Variants in ZNF609 observed in about 807,000 individuals in gnomAD.
ZNF609 encodes the protein zinc finger protein 609.
A neutral mutation model predicts 109.5 loss-of-function variants in ZNF609; 11 were observed. The observed-to-expected ratio is 0.10, with a 90% CI of 0.06 to 0.17. The LOEUF (loss-of-function observed/expected upper bound fraction) is 0.17. ZNF609 is among the 10% of genes least tolerant of loss of function. The pLI, the probability that ZNF609 is intolerant of heterozygous loss-of-function variation, is 1.00. For synonymous variants in ZNF609, 646 were observed against 662.0 expected (o/e 0.98, Z 0.37); for missense variants, 1,559 against 1,772.4 (o/e 0.88, Z 2.16).
In ZNF609 at chr15:64,675,600, C is replaced by G. The variant is rs1420779258; in HGVS notation, c.2746C>G (p.Gln916Glu). Residue 916 changes from glutamine (Q) to glutamate (E), a missense_variant, in exon 5 of 10, where the codon CAG becomes GAG. Transcript: ENST00000326648. ...SSPGALNPSS[Q>E]AGVESQALKT... is the part of the protein sequence containing the mutation. ...CCCTGGGGCTCTGAACCCCAGCAGC[C>G]AGGCAGGAGTGGAGAGCCAGGCCCT... The G allele has an allele frequency of 6.2e-7, 1 of 1,614,080 alleles. No individual in the cohort carries two copies. Among genetic ancestry groups the G allele is most frequent in the Admixed American group, 1.7e-5 (1 of 60,022 alleles).
chr15:64,493,477 G>C (rs919489903), intron 1 of ZNF609, among the ~76,000 whole-genome samples: 1 of 152,140 alleles, frequency 6.6e-6, no homozygotes, highest in African/African-American at 2.4e-5. Context: ...TTTTAAGCAG[G>C]AGTGCTTTGG....
At chr15:64,501,840 G>A (rs1566999263) in intron 2 of ZNF609, 1 of 152,174 alleles carries the variant, frequency 6.6e-6, no homozygotes, top group Non-Finnish European at 1.5e-5. Flanking sequence ...ATATTGCTTA[G>A]CTTTATGTTG....
Position 64,550,324 on chromosome 15 carries a change from ATTGTTG to A in ZNF609, c.747+50179_747+50184del, listed in dbSNP as rs35706760. Among the ~76,000 whole-genome samples the A allele has an allele frequency of 1.6e-4, 24 of 150,960 alleles. No homozygotes were observed. The South Asian group carries it at 2.1e-3, about 13-fold the overall frequency. On this transcript the variant is annotated intron_variant, in intron 2 of 9. Transcript: ENST00000326648. ...GTTTGAATTGGGGTTTGTTGTTGTT[ATTGTTG>A]TTGTTGTTGTTGTTGTTGTTAAATT... is the stretch of plus-strand genomic sequence containing the variant.
chr15:64,680,571 G>A, intron 7 of ZNF609, 75 bp from the exon 8 acceptor site: 1 of 1,312,476 alleles, frequency 7.6e-7, no homozygotes, highest in Non-Finnish European at 1.1e-6. Flanking sequence ...TTGTGTGTGT[G>A]TGTGTGTGTG....
intron 1 of ZNF609, among the ~76,000 whole-genome samples, chr15:64,469,052 A>AAC (rs1893055233): frequency 7.4e-6 from 1 of 134,544 alleles, no homozygotes; most frequent in Non-Finnish European, 1.7e-5. Flanking sequence ...AAAAAAAAAA[A>AAC]AAAACAACAC....
At chr15:64,464,286 A>G (rs1226655429) in intron 1 of ZNF609, among the ~76,000 whole-genome samples, 1 of 152,162 alleles carries the variant, frequency 6.6e-6, no homozygotes, top group South Asian at 2.1e-4. Flanking sequence ...TCAGAACACT[A>G]TTGCCTGAGC....
intron 3 of ZNF609, among the ~76,000 whole-genome samples, chr15:64,625,930 TATATATAG>T (rs1344107675): frequency 5.5e-5 from 4 of 72,792 alleles, no homozygotes; most frequent in Non-Finnish European, 8.0e-5. Context: ...TATATATATA[TATATATAG>T]AGAGAGAGAG....
chr15:64,645,083 T>TTCCCTCCCTCCC (rs1261279734), intron 3 of ZNF609, among the ~76,000 whole-genome samples: 5 of 60,016 alleles, frequency 8.3e-5, no homozygotes, highest in African/African-American at 4.0e-4. Flanking sequence ...CTTCCTTTCT[T>TTCCCTCCCTCCC]TCCCTCCCTC....
At chr15:64,483,527 C>G (rs1354814403) in intron 1 of ZNF609, among the ~76,000 whole-genome samples, 2 of 152,124 alleles carry the variant, frequency 1.3e-5, no homozygotes, top group African/African-American at 2.4e-5. Context: ...GCTGGGACTA[C>G]AGATGCATAC....
intron 1 of ZNF609, among the ~76,000 whole-genome samples, chr15:64,481,564 C>T (rs536385023): frequency 6.6e-6 from 1 of 151,938 alleles, no homozygotes; most frequent in South Asian, 2.1e-4. Context: ...AGGTGATCCG[C>T]CTGCCTCGGC....
chr15:64,613,319 C>T lies in ZNF609; in HGVS notation c.748-9508C>T, dbSNP rs1409213868. ...GTGAGACCCTGTCTCAGAAAAAAAA[C>T]GAAGAAGAAGAAGAAAGAAAAGGAC... On this transcript the variant is annotated intron_variant, in intron 2 of 9. Coordinates refer to ENST00000326648, the MANE Select transcript of ZNF609 (RefSeq NM_015042.2). 7.9e-5 allele frequency among the ~76,000 whole-genome samples: 12 copies of T among 151,866 alleles called. No individual in the cohort carries two copies. In the South Asian group the frequency reaches 1.7e-3, roughly 21 times the overall value.
chr15:64,529,566 G>A, intron 2 of ZNF609: 1 of 1,361,478 alleles, frequency 7.3e-7, no homozygotes, highest in Non-Finnish European at 1.0e-6. Flanking sequence ...CAATGAAGGG[G>A]TCATTGATGG....
At position 64,555,901 on chromosome 15, in the gene ZNF609, A is replaced by G. The variant is rs71396422; in HGVS notation, c.747+55735A>G. 9.6e-3 allele frequency among the ~76,000 whole-genome samples: 1,446 copies of G among 151,272 alleles called. 12 individuals are homozygous for G. Among genetic ancestry groups the G allele is most frequent in the Non-Finnish European group, 0.015 (1,009 of 67,772 alleles). On this transcript the variant is annotated intron_variant, in intron 2 of 9. Transcript: ENST00000326648. The stretch of plus-strand genomic sequence containing the variant: ...GACTCTGTCTCAAAAAAAAAAAAAA[A>G]AAAAAAAAAAGAAAACCTGAAGATT...
chr15:64,659,906 C>T (rs1189930105), intron 3 of ZNF609, among the ~76,000 whole-genome samples: 1 of 149,306 alleles, frequency 6.7e-6, no homozygotes, highest in Non-Finnish European at 1.5e-5. Flanking sequence ...ATGATCTTGG[C>T]TCACTGCAAC....
Position 64,577,049 on chromosome 15 carries a change from A to AATATATGT in ZNF609, c.748-45772_748-45771insGTATATAT. ...ATATATATATGTATATATACACATA[A>AATATATGT]ATATATACATATATGTATATATACA... On this transcript the variant is annotated intron_variant, in intron 2 of 9. Coordinates refer to ENST00000326648, the MANE Select transcript of ZNF609 (RefSeq NM_015042.2). Among the ~76,000 whole-genome samples the AATATATGT allele has an allele frequency of 1.9e-5, 2 of 105,112 alleles. 1 individual carries two copies. The highest frequency in any genetic ancestry group is 4.0e-5 in the Non-Finnish European group (2 of 49,540). The allele number at this position is 105,112 out of a possible 152,430, so 69.0% of individuals were successfully genotyped here. A position where few individuals can be genotyped will look rare whatever the true frequency, so the allele number is the denominator to read the frequency against.
intron 4 of ZNF609, among the ~76,000 whole-genome samples, chr15:64,672,106 G>A (rs1343656815): frequency 3.5e-5 from 5 of 142,446 alleles, no homozygotes; most frequent in African/African-American, 1.1e-4. Context: ...TCCACCTCCC[G>A]GGTTCACGCC....
intron 2 of ZNF609, among the ~76,000 whole-genome samples, chr15:64,546,618 G>T (rs946345705): frequency 2.0e-5 from 3 of 151,718 alleles, no homozygotes; most frequent in African/African-American, 7.3e-5. Context: ...GACAACAGGT[G>T]CATGCCACTA....
intron 2 of ZNF609, among the ~76,000 whole-genome samples, chr15:64,576,050 C>G (rs1447862910): frequency 1.3e-5 from 2 of 152,036 alleles, no homozygotes; most frequent in Non-Finnish European, 2.9e-5. Context: ...TGCAGTGAGC[C>G]GAGATCGCGC....
At chr15:64,577,365 G>GTA (rs1352440382) in intron 2 of ZNF609, among the ~76,000 whole-genome samples, 1 of 8,542 alleles carries the variant, frequency 1.2e-4, no homozygotes, top group South Asian at 1.1e-3. Context: ...ACACATATAT[G>GTA]TATATATATA....
Sources: allele counts gnomAD v4.1 joint callset (sites outside exome capture counted in the v4.1 genomes callset), GRCh38; gene constraint gnomAD v4.1.1; transcripts MANE v1.5; gene names NCBI Gene and HGNC (gene_info 2026-07-23, HGNC 2026-07-21).